Variants in MSI1 observed in about 807,000 individuals in gnomAD.
The protein encoded by MSI1 is RNA-binding protein Musashi homolog 1.
Under a neutral mutation model 54.4 loss-of-function variants are expected in MSI1, and 15 were observed. The observed-to-expected ratio is 0.28, with a 90% CI of 0.18 to 0.42. The LOEUF is 0.42. Among genes scored for constraint, MSI1 ranks in the 20% least tolerant of loss-of-function variants. The pLI is 1.00. For synonymous variants in MSI1, 200 were observed against 196.5 expected, an observed-to-expected ratio of 1.02 and a Z score of -0.15; for missense variants, 304 against 506.0, an observed-to-expected ratio of 0.60 and a Z score of 3.83.
intron 11 of MSI1, among the ~76,000 whole-genome samples, chr12:120,350,505 T>A (rs1380645436): frequency 6.6e-6 from 1 of 152,150 alleles, no homozygotes; most frequent in African/African-American, 2.4e-5. Context: ...GGGGGAACCC[T>A]GAGCACCCCT....
intron 6 of MSI1, among the ~76,000 whole-genome samples, chr12:120,360,055 G>A (rs560753361): frequency 3.3e-5 from 5 of 151,920 alleles, no homozygotes; most frequent in East Asian, 1.9e-4. Flanking sequence ...GCATGATCTC[G>A]GCTAACTGCA....
chr12:120,362,949 G>A, intron 6 of MSI1, 94 bp downstream of exon 6: 1 of 1,094,012 alleles, frequency 9.1e-7, no homozygotes, highest in Admixed American at 1.8e-5. Flanking sequence ...ATCTTTTGCA[G>A]GAATGGAATG....
At chr12:120,355,402 C>CAAA in intron 9 of MSI1, among the ~76,000 whole-genome samples, 1 of 104,494 alleles carries the variant, frequency 9.6e-6, no homozygotes, top group Non-Finnish European at 2.0e-5. Context: ...GACTCCGTCT[C>CAAA]AAAAAAAAAA....
intron 10 of MSI1, among the ~76,000 whole-genome samples, chr12:120,352,771 C>A (rs1874740083): frequency 6.6e-6 from 1 of 152,154 alleles, no homozygotes; most frequent in Non-Finnish European, 1.5e-5. Flanking sequence ...CAGAACTGGG[C>A]TTCCTGACAT....
At chr12:120,355,193 CAGG>C (rs1874985892) in intron 9 of MSI1, among the ~76,000 whole-genome samples, 1 of 151,774 alleles carries the variant, frequency 6.6e-6, no homozygotes, top group Admixed American at 6.6e-5. Context: ...ATCACGAGGT[CAGG>C]AGATCAAGAC....
chr12:120,368,422 T>G lies in MSI1; in HGVS notation c.101-149A>C. 1.3e-6 allele frequency: 1 copy of G among 748,870 alleles called. No homozygotes were observed. Among genetic ancestry groups the G allele is most frequent in the Non-Finnish European group, 1.9e-6 (1 of 521,962 alleles). 46.4% of individuals were successfully genotyped at this position (748,870 alleles called of 1,614,324 possible). ...CCACTGCCGCCGCCCCCCACCGCCC[T>G]CGCCCCGTTCCCGCTGAGCCTCCTG... is the stretch of plus-strand genomic sequence containing the variant. On this transcript the variant is annotated intron_variant, in intron 2 of 14. Transcript: ENST00000257552. The surrounding 1 kb of genome is among the most constrained non-coding windows in gnomAD (Gnocchi z 6.6).
chr12:120,361,699 C>CT (rs1875659115), intron 6 of MSI1, among the ~76,000 whole-genome samples: 1 of 151,210 alleles, frequency 6.6e-6, no homozygotes, highest in Admixed American at 6.6e-5. Context: ...TTGTTCCCCC[C>CT]TCGGCGGCGG....
intron 9 of MSI1, among the ~76,000 whole-genome samples, chr12:120,354,351 G>A (rs1192818421): frequency 6.6e-6 from 1 of 152,012 alleles, no homozygotes; most frequent in Non-Finnish European, 1.5e-5. Context: ...CAATAATGGT[G>A]CAATTAAGAT....
intron 9 of MSI1, 67 bp from the exon 10 acceptor site, chr12:120,353,446 C>A (rs1874818709): frequency 7.1e-7 from 1 of 1,410,414 alleles, no homozygotes; most frequent in African/African-American, 1.4e-5. Context: ...TGGAGAAGGA[C>A]CTGAGCCACT....
rs748556200 is a variant in MSI1, at chr12:120,359,068, G to C, written c.403-15C>G. 6 of 1,553,526 alleles carry C rather than the reference G, an allele frequency of 3.9e-6. No homozygotes were observed. The highest frequency in any genetic ancestry group is 4.4e-6 in the Non-Finnish European group (5 of 1,148,010). On this transcript the variant is annotated splice_polypyrimidine_tract_variant and intron_variant, in intron 6 of 14. Transcript: ENST00000257552. ...GCGTCGTCCACCTGAAACACAGCCC[G>C]CCATGGAGGACCCAGCAGATACCAG...
chr12:120,361,799 C>T (rs1427224462), intron 6 of MSI1, among the ~76,000 whole-genome samples: 4 of 151,834 alleles, frequency 2.6e-5, no homozygotes, highest in Non-Finnish European at 5.9e-5. Flanking sequence ...TTCTCCGGCT[C>T]CCCCTGGCCT....
At position 120,353,380 on chromosome 12, in the gene MSI1, C is replaced by G; in HGVS notation, c.653-1G>C. On this transcript the variant is annotated splice_acceptor_variant, in intron 9 of 14. Coordinates refer to ENST00000257552, the MANE Select transcript of MSI1 (RefSeq NM_002442.4). LOFTEE classifies it high-confidence loss of function. ...GTTGTGGCTTGGAAACCTGGGTAACCTGATGGGGCAAGGGGGCAGTGTCAG... is the reference window on the plus strand; with the variant it reads ...GTTGTGGCTTGGAAACCTGGGTAACGTGATGGGGCAAGGGGGCAGTGTCAG... The G allele has an allele frequency of 6.2e-7, 1 of 1,614,010 alleles. No individual in the cohort carries two copies. The highest frequency in any genetic ancestry group is 8.5e-7 in the Non-Finnish European group (1 of 1,179,960).
intron 9 of MSI1, among the ~76,000 whole-genome samples, chr12:120,353,852 C>T (rs1209866403): frequency 6.6e-6 from 1 of 152,228 alleles, no homozygotes; most frequent in African/African-American, 2.4e-5. Context: ...GCCTGAGTCC[C>T]TCTCATTGTA....
At chr12:120,347,666 G>T in intron 11 of MSI1, 152 bp from the exon 12 acceptor site, 4 of 854,040 alleles carry the variant, frequency 4.7e-6, no homozygotes, top group Non-Finnish European at 7.4e-6. Flanking sequence ...GGCTACCTTG[G>T]GCCACACCAT....
chr12:120,368,748 G>A lies in MSI1; in HGVS notation c.100+85C>T, dbSNP rs1279168553. 2.5e-6 allele frequency: 3 copies of A among 1,209,816 alleles called. No individual in the cohort carries two copies. Among genetic ancestry groups the A allele is most frequent in the Non-Finnish European group, 2.1e-6 (2 of 955,580 alleles). The allele number at this position is 1,209,816 out of a possible 1,614,324, so 74.9% of individuals were successfully genotyped here. ...GGGCGCCCGGGGTCAGCAGGGCGCA[G>A]GGCCGGGCTGGGGTGTCCGGGTCCG... On this transcript the variant is annotated intron_variant, in intron 2 of 14. Transcript: ENST00000257552. The surrounding 1 kb of genome is among the most constrained non-coding windows in gnomAD (Gnocchi z 6.6).
At chr12:120,346,096 TG>T (rs1425669865) in intron 13 of MSI1, 38 bp downstream of exon 13, 5 of 1,476,896 alleles carry the variant, frequency 3.4e-6, no homozygotes, top group Non-Finnish European at 4.5e-6. Flanking sequence ...TCTCAAGGTG[TG>T]GGGGGTGAGG....
rs1166542361 is a variant in MSI1 at position 120,368,429 on chromosome 12, G to C, written c.101-156C>G. Among the ~76,000 whole-genome samples, 1 of 147,260 alleles carries C rather than the reference G, an allele frequency of 6.8e-6. No homozygotes were observed. Among genetic ancestry groups the C allele is most frequent in the Non-Finnish European group, 1.5e-5 (1 of 67,184 alleles). On this transcript the variant is annotated intron_variant, in intron 2 of 14. Coordinates refer to ENST00000257552, the MANE Select transcript of MSI1 (RefSeq NM_002442.4). This position sits in a 1 kb window ranked among gnomAD's most constrained non-coding sequence, Gnocchi z 6.6. ...CGCCGCCCCCCACCGCCCTCGCCCC[G>C]TTCCCGCTGAGCCTCCTGGCGCCCA...
At chr12:120,361,028 A>G (rs948525666) in intron 6 of MSI1, among the ~76,000 whole-genome samples, 1 of 151,918 alleles carries the variant, frequency 6.6e-6, no homozygotes, top group African/African-American at 2.4e-5. Context: ...GTGCCTAATA[A>G]ATAATAGCTA....
rs1264078670 is a variant in MSI1, at chr12:120,342,069, C to T, written c.*1058G>A. The stretch of plus-strand genomic sequence containing the variant: ...TTTGCTTTCCCCTGGGGTCTGCCCT[C>T]GCCAGAGCGTCCCCTGGTGCCCACT... On this transcript the variant is annotated 3_prime_UTR_variant, in exon 15 of 15. Coordinates refer to ENST00000257552, the MANE Select transcript of MSI1 (RefSeq NM_002442.4). 3.3e-5 allele frequency: 5 copies of T among 151,212 alleles called. No individual in the cohort carries two copies. The highest frequency in any genetic ancestry group is 5.9e-5 in the Non-Finnish European group (4 of 67,998). The allele number at this position is 151,212 out of a possible 1,614,324, so 9.4% of individuals were successfully genotyped here.
Sources: gnomAD v4.1 joint callset for allele counts (sites outside exome capture counted in the v4.1 genomes callset) on GRCh38, gnomAD v4.1.1 for gene constraint, Gnocchi (gnomAD v3.1) non-coding constraint, MANE v1.5 for transcripts, NCBI Gene and HGNC (gene_info 2026-07-23, HGNC 2026-07-21) for gene names.